Variants in SIPA1L3 observed in about 807,000 individuals in gnomAD.
SIPA1L3 encodes signal induced proliferation associated 1 like 3, also known as signal-induced proliferation-associated 1-like protein 3.
In SIPA1L3, 59 loss-of-function variants were observed where a neutral mutation model predicts 150.1. The observed-to-expected ratio is 0.39, with a 90% CI of 0.32 to 0.49. SIPA1L3 has a LOEUF of 0.49. Ranked by LOEUF, SIPA1L3 falls within the 20% of genes least tolerant of loss-of-function variation. The pLI is 0.86. For synonymous variants in SIPA1L3, 1,070 were observed against 1,077.6 expected (o/e 0.99, Z 0.14); for missense variants, 2,211 against 2,489.5 (o/e 0.89, Z 2.38).
At chr19:38,169,853 C>A (rs1600164790) in intron 15 of SIPA1L3, among the ~76,000 whole-genome samples, 1 of 151,604 alleles carries the variant, frequency 6.6e-6, no homozygotes, top group East Asian at 1.9e-4. Flanking sequence ...GGGTCAGGGT[C>A]AGGGTGGGGG....
At chr19:38,162,185 G>A in intron 13 of SIPA1L3, 68 bp from the exon 14 acceptor site, 2 of 1,237,322 alleles carry the variant, frequency 1.6e-6, no homozygotes, top group Non-Finnish European at 1.2e-6. Flanking sequence ...TCTGGCAAAG[G>A]GTCCAGATTC....
At chr19:38,162,917 G>T (rs914017296) in intron 14 of SIPA1L3, among the ~76,000 whole-genome samples, 3 of 152,158 alleles carry the variant, frequency 2.0e-5, no homozygotes, top group Non-Finnish European at 2.9e-5. Context: ...ATTCCATCAC[G>T]TGGCCACACC....
At chr19:38,157,006 T>TA (rs1195262072) in intron 13 of SIPA1L3, among the ~76,000 whole-genome samples, 8 of 149,992 alleles carry the variant, frequency 5.3e-5, no homozygotes, top group Admixed American at 1.3e-4. Flanking sequence ...CTACAAAAAA[T>TA]AAAAAAATAT....
intron 2 of SIPA1L3, among the ~76,000 whole-genome samples, chr19:38,072,393 T>G (rs962685121): frequency 2.0e-5 from 3 of 152,356 alleles, no homozygotes; most frequent in African/African-American, 7.2e-5. Flanking sequence ...TGTTTTGTTT[T>G]ATAACTAAAA....
chr19:38,140,315 A>G (rs1201370640), intron 10 of SIPA1L3, among the ~76,000 whole-genome samples: 2 of 151,742 alleles, frequency 1.3e-5, no homozygotes, highest in East Asian at 1.9e-4. Context: ...TCAAGCCAGG[A>G]GCACCATGGT....
intron 1 of SIPA1L3, among the ~76,000 whole-genome samples, chr19:37,976,114 A>AAAAAAAAAG (rs1967069386): frequency 1.5e-5 from 2 of 137,382 alleles, no homozygotes; most frequent in East Asian, 1.9e-4. Context: ...TAAAAAAAAA[A>AAAAAAAAAG]AAAAGAAAGA....
At chr19:38,169,582 A>G (rs1972282770) in intron 15 of SIPA1L3, among the ~76,000 whole-genome samples, 1 of 152,210 alleles carries the variant, frequency 6.6e-6, no homozygotes, top group African/African-American at 2.4e-5. Flanking sequence ...TAAAGATTGA[A>G]TGTACCCTTA....
intron 11 of SIPA1L3, 41 bp from the exon 12 acceptor site, chr19:38,142,532 C>T (rs1600129089): frequency 6.4e-7 from 1 of 1,573,270 alleles, no homozygotes. Context: ...GGGTACCCTC[C>T]TACTCACCCT....
chr19:37,971,624 G>A (rs1333266838), intron 1 of SIPA1L3, among the ~76,000 whole-genome samples: 2 of 151,936 alleles, frequency 1.3e-5, no homozygotes, highest in Non-Finnish European at 2.9e-5. Flanking sequence ...GGAGTACAGT[G>A]GCGCGATCTC....
intron 1 of SIPA1L3, among the ~76,000 whole-genome samples, chr19:38,022,698 A>G (rs1968402017): frequency 1.3e-5 from 2 of 152,122 alleles, no homozygotes; most frequent in African/African-American, 4.8e-5. Context: ...ACAGAGCGAG[A>G]CTCCATCTCA....
chr19:38,159,724 C>G (rs991721386), intron 13 of SIPA1L3, among the ~76,000 whole-genome samples: 1 of 152,238 alleles, frequency 6.6e-6, no homozygotes, highest in Admixed American at 6.5e-5. Context: ...GAGTCTTGTT[C>G]CACATCTATC....
intron 14 of SIPA1L3, among the ~76,000 whole-genome samples, chr19:38,163,489 C>CAAAAA (rs34366358): frequency 2.3e-4 from 12 of 51,264 alleles, no homozygotes; most frequent in African/African-American, 6.7e-4. Context: ...GACTCTATCT[C>CAAAAA]AAAAAAAAAA....
At chr19:38,121,255 G>A (rs548899754) in intron 9 of SIPA1L3, among the ~76,000 whole-genome samples, 333 of 151,486 alleles carry the variant, frequency 2.2e-3, no homozygotes, top group Non-Finnish European at 3.6e-3. Context: ...TGGCTAATAC[G>A]GTGAAACCCC....
intron 12 of SIPA1L3, among the ~76,000 whole-genome samples, chr19:38,151,899 T>C (rs1250638069): frequency 1.4e-5 from 2 of 146,740 alleles, no homozygotes; most frequent in African/African-American, 5.1e-5. Context: ...GAGGCGGAGG[T>C]TGCAGTGAGC....
At chr19:37,989,739 C>T (rs928829793) in intron 1 of SIPA1L3, among the ~76,000 whole-genome samples, 2 of 149,564 alleles carry the variant, frequency 1.3e-5, no homozygotes, top group African/African-American at 4.9e-5. Flanking sequence ...GATCTCAGCT[C>T]ACTGCAACCT....
intron 1 of SIPA1L3, among the ~76,000 whole-genome samples, chr19:37,917,291 G>A (rs576315343): frequency 2.6e-5 from 4 of 152,298 alleles, no homozygotes; most frequent in Admixed American, 6.5e-5. Context: ...TGAGATTCAC[G>A]TGTAAATCAA....
intron 1 of SIPA1L3, among the ~76,000 whole-genome samples, chr19:38,016,683 G>A (rs1174425411): frequency 6.6e-6 from 1 of 151,874 alleles, no homozygotes; most frequent in Admixed American, 6.6e-5. Flanking sequence ...AGTAGAGATG[G>A]GGTTTCACCA....
rs1229261144 is a variant in SIPA1L3 at position 38,164,978 on chromosome 19, G to A, written c.4208+72G>A. ...CAGTTCTACTTTTACGGTCCTGATGGTGGGGTTCTCCTCCCCAGAAACACA... is the reference window on the plus strand; with the variant it reads ...CAGTTCTACTTTTACGGTCCTGATGATGGGGTTCTCCTCCCCAGAAACACA... On this transcript the variant is annotated intron_variant, in intron 15 of 21. Coordinates refer to ENST00000222345, the MANE Select transcript of SIPA1L3 (RefSeq NM_015073.3). This position sits in a 1 kb window ranked among gnomAD's most constrained non-coding sequence, Gnocchi z 4.1. 5 of 1,382,130 alleles carry A rather than the reference G, an allele frequency of 3.6e-6. No homozygotes were observed. In the South Asian group the frequency reaches 5.9e-5, roughly 16 times the overall value. The allele number at this position is 1,382,130 out of a possible 1,614,324, so 85.6% of individuals were successfully genotyped here.
chr19:38,029,585 T>C (rs1968598614), intron 2 of SIPA1L3, among the ~76,000 whole-genome samples: 1 of 152,212 alleles, frequency 6.6e-6, no homozygotes, highest in Non-Finnish European at 1.5e-5. Flanking sequence ...AGTAAAACCC[T>C]CTTTTGGTAT....
Sources: gnomAD v4.1 joint callset for allele counts (sites outside exome capture counted in the v4.1 genomes callset) on GRCh38, gnomAD v4.1.1 for gene constraint, Gnocchi (gnomAD v3.1) non-coding constraint, MANE v1.5 for transcripts, NCBI Gene and HGNC (gene_info 2026-07-23, HGNC 2026-07-21) for gene names.